TBC1D24: variants seen among roughly 807,000 people sequenced by gnomAD.
TBC1D24 encodes the protein TBC1 domain family member 24.
A neutral mutation model predicts 50.7 loss-of-function variants in TBC1D24; 47 were observed. That is an observed-to-expected ratio of 0.93 (90% CI 0.73 to 1.18). TBC1D24 has a LOEUF of 1.18. Ranked by LOEUF, TBC1D24 falls within the 50% of genes most tolerant of loss-of-function variation. The pLI, the probability that TBC1D24 is intolerant of heterozygous loss-of-function variation, is 0.00. For missense variants in TBC1D24, 688 were observed against 766.5 expected (o/e 0.90, Z 1.21); for synonymous variants, 324 against 335.2 (o/e 0.97, Z 0.36).
rs969497090 is a variant in TBC1D24 at position 2,475,437 on chromosome 16, G to A, written c.-116+267G>A. Among the ~76,000 whole-genome samples the A allele has an allele frequency of 1.3e-5, 2 of 151,982 alleles. No homozygotes were observed. The highest frequency in any genetic ancestry group is 2.4e-5 in the African/African-American group (1 of 41,410). ...CGCGAGGCCCGATCCCCGCCCGGTC[G>A]CTGGCCCGCGGCCCGGCCCAGGGCA... On this transcript the variant is annotated intron_variant, in intron 1 of 7. Coordinates refer to ENST00000646147, the MANE Select transcript of TBC1D24 (RefSeq NM_001199107.2). This position sits in a 1 kb window ranked among gnomAD's most constrained non-coding sequence, Gnocchi z 4.2.
Position 2,501,448 on chromosome 16 carries a change from C to A in TBC1D24, c.*490C>A, listed in dbSNP as rs577663980. The stretch of plus-strand genomic sequence containing the variant: ...TGGCTGGCTGGCGACTGAATCCCAG[C>A]GTAGATCCCGAGAACAGACTGGCAC... On this transcript the variant is annotated 3_prime_UTR_variant, in exon 8 of 8. Transcript: ENST00000646147. 8 of 178,272 alleles carry A rather than the reference C, an allele frequency of 4.5e-5. No individual in the cohort carries two copies. The highest frequency in any genetic ancestry group is 8.5e-5 in the Non-Finnish European group (7 of 82,564). 11.0% of individuals were successfully genotyped at this position (178,272 alleles called of 1,614,324 possible).
Position 2,501,246 on chromosome 16 carries a change from C to T in TBC1D24, c.*288C>T. On this transcript the variant is annotated 3_prime_UTR_variant, in exon 8 of 8. Coordinates refer to ENST00000646147, the MANE Select transcript of TBC1D24 (RefSeq NM_001199107.2). ...GTACCTTCCTCCTCCGTGGAGGCTT[C>T]CATAGCCCAAGGCCTTGGGAGTGTC... 1 of 505,668 alleles carries T rather than the reference C, an allele frequency of 2.0e-6. No individual in the cohort carries two copies. The highest frequency in any genetic ancestry group is 2.1e-5 in the South Asian group (1 of 46,710). The allele number at this position is 505,668 out of a possible 1,614,324, so 31.3% of individuals were successfully genotyped here.
chr16:2,479,413 G>A (rs994899271), intron 1 of TBC1D24: 1 of 152,252 alleles, frequency 6.6e-6, no homozygotes, highest in African/African-American at 2.4e-5. Flanking sequence ...TTCTCAGACC[G>A]AGAGACCCAA....
chr16:2,486,539 G>A lies in TBC1D24; in HGVS notation c.-115-9495G>A, dbSNP rs2065652367. 6.6e-6 allele frequency among the ~76,000 whole-genome samples: 1 copy of A among 152,308 alleles called. No individual in the cohort carries two copies. Among genetic ancestry groups the A allele is most frequent in the East Asian group, 1.9e-4 (1 of 5,184 alleles). On this transcript the variant is annotated intron_variant, in intron 1 of 7. Coordinates refer to ENST00000646147, the MANE Select transcript of TBC1D24 (RefSeq NM_001199107.2). The surrounding 1 kb of genome is among the most constrained non-coding windows in gnomAD (Gnocchi z 5.8). ...GGTGGTCAGGCCAGGGCAGGATGGG[G>A]CCCAGGCCTGCAACCCCAGCTCTTC...
At chr16:2,498,482 C>T (rs981070582) in intron 4 of TBC1D24, 86 bp downstream of exon 4, 18 of 1,327,246 alleles carry the variant, frequency 1.4e-5, no homozygotes, top group African/African-American at 8.9e-5. Context: ...CCTCAAACCT[C>T]GGCACCTGGT....
In TBC1D24 at chr16:2,496,640, C is replaced by G. The variant is rs369172908; in HGVS notation, c.492C>G (p.Pro164=). The change falls in exon 2 of 8, where the codon CCC becomes CCG. Residue 164 remains proline (P), a synonymous_variant. Transcript: ENST00000646147. ...KACRILACND[P]GRRLIDQSFL... is the part of the protein sequence containing the mutation. ...GCCGCATCCTGGCCTGCAATGACCCCGGCAGGAGGCTGATCGACCAGAGCT... is the reference window on the plus strand; with the variant it reads ...GCCGCATCCTGGCCTGCAATGACCCGGGCAGGAGGCTGATCGACCAGAGCT... 54 of 1,612,226 alleles carry G rather than the reference C, an allele frequency of 3.3e-5. No individual in the cohort carries two copies. Among genetic ancestry groups the G allele is most frequent in the Non-Finnish European group, 4.4e-5 (52 of 1,180,032 alleles).
intron 2 of TBC1D24, among the ~76,000 whole-genome samples, 190 bp downstream of exon 2, chr16:2,497,303 G>C (rs988437181): frequency 1.3e-5 from 2 of 152,232 alleles, no homozygotes; most frequent in Non-Finnish European, 2.9e-5. Flanking sequence ...GAGGGACATC[G>C]GGTCCTATCC....
intron 1 of TBC1D24, among the ~76,000 whole-genome samples, chr16:2,488,339 T>C (rs1292816640): frequency 6.6e-6 from 1 of 152,060 alleles, no homozygotes; most frequent in Non-Finnish European, 1.5e-5. Context: ...TCTGCAAGCC[T>C]GTAGCCATTT....
Position 2,505,180 on chromosome 16 carries a change from T to C in TBC1D24, c.*4222T>C, listed in dbSNP as rs2065825544. 1 of 152,242 alleles carries C rather than the reference T, an allele frequency of 6.6e-6. No homozygotes were observed. The highest frequency in any genetic ancestry group is 1.5e-5 in the Non-Finnish European group (1 of 68,040). 9.4% of individuals were successfully genotyped at this position (152,242 alleles called of 1,614,324 possible). ...TGTTAGGTAGAAAAGTATGTGGATT[T>C]TTAAAAATCATCTGGTATAAAGAGT... On this transcript the variant is annotated 3_prime_UTR_variant, in exon 8 of 8. Coordinates refer to ENST00000646147, the MANE Select transcript of TBC1D24 (RefSeq NM_001199107.2).
In TBC1D24 at chr16:2,502,913, G is replaced by C. The variant is rs904206892; in HGVS notation, c.*1955G>C. On this transcript the variant is annotated 3_prime_UTR_variant, in exon 8 of 8. Coordinates refer to ENST00000646147, the MANE Select transcript of TBC1D24 (RefSeq NM_001199107.2). ...TCTTCAGCCAGAGGGGCCTCCGGGG[G>C]CTTCCTGGGCCTACAGCCAAGCAGG... is the stretch of plus-strand genomic sequence containing the variant. 3 of 152,620 alleles carry C rather than the reference G, an allele frequency of 2.0e-5. No homozygotes were observed. The highest frequency in any genetic ancestry group is 4.8e-5 in the African/African-American group (2 of 41,468). 9.5% of individuals were successfully genotyped at this position (152,620 alleles called of 1,614,324 possible).
chr16:2,490,201 C>G (rs2065684529), intron 1 of TBC1D24, among the ~76,000 whole-genome samples: 1 of 152,214 alleles, frequency 6.6e-6, no homozygotes, highest in South Asian at 2.1e-4. Context: ...TCTTGTGAGT[C>G]TCGTGGGTGT....
intron 4 of TBC1D24, among the ~76,000 whole-genome samples, chr16:2,498,890 C>T (rs1421143923): frequency 6.6e-6 from 1 of 152,220 alleles, no homozygotes; most frequent in African/African-American, 2.4e-5. Flanking sequence ...CTGGTCCAGC[C>T]CCCACCCAGC....
chr16:2,489,381 G>C (rs1469759677), intron 1 of TBC1D24, among the ~76,000 whole-genome samples: 1 of 152,132 alleles, frequency 6.6e-6, no homozygotes, highest in Non-Finnish European at 1.5e-5. Context: ...GCAGGGAGCC[G>C]AGATCGCGCC....
chr16:2,481,730 T>G (rs932383550), intron 1 of TBC1D24: 2 of 152,414 alleles, frequency 1.3e-5, no homozygotes, highest in Admixed American at 1.3e-4. Context: ...GAAAGATGTC[T>G]GGCTATGAAA....
chr16:2,488,904 C>T (rs1041726134), intron 1 of TBC1D24, among the ~76,000 whole-genome samples: 1 of 97,690 alleles, frequency 1.0e-5, no homozygotes. Flanking sequence ...ACTAAAAATA[C>T]AAAAAAAAAA....
intron 1 of TBC1D24, among the ~76,000 whole-genome samples, chr16:2,490,699 G>C (rs535686044): frequency 6.6e-6 from 1 of 152,334 alleles, no homozygotes; most frequent in East Asian, 1.9e-4. Context: ...CTGCAGACAT[G>C]GCAACCGCAG....
chr16:2,489,717 C>T (rs529583750), intron 1 of TBC1D24, among the ~76,000 whole-genome samples: 1 of 152,284 alleles, frequency 6.6e-6, no homozygotes, highest in South Asian at 2.1e-4. Context: ...GCGTGTTGAC[C>T]CGCTGGGACC....
chr16:2,496,367 G>T lies in TBC1D24; in HGVS notation c.219G>T (p.Val73=). Residue 73 remains valine, a synonymous_variant, in exon 2 of 8, where the codon GTG becomes GTT. Transcript: ENST00000646147. ...PCRTVTPDAS[V]YSDIVGKIVG... is the part of the protein sequence containing the mutation. ...GCACGGTCACGCCTGACGCCAGCGT[G>T]TACAGCGACATCGTGGGCAAGATCG... is the stretch of plus-strand genomic sequence containing the variant. 1 of 1,613,444 alleles carries T rather than the reference G, an allele frequency of 6.2e-7. No homozygotes were observed. Among genetic ancestry groups the T allele is most frequent in the African/African-American group, 1.3e-5 (1 of 75,064 alleles).
In TBC1D24 at chr16:2,503,970, A is replaced by G. The variant is rs1409117198; in HGVS notation, c.*3012A>G. 6.6e-6 allele frequency: 1 copy of G among 152,264 alleles called. No individual in the cohort carries two copies. Among genetic ancestry groups the G allele is most frequent in the East Asian group, 1.9e-4 (1 of 5,208 alleles). 9.4% of individuals were successfully genotyped at this position (152,264 alleles called of 1,614,324 possible). Reference sequence around the variant, plus strand: ...AAATAGTTTATTAAATGAATTCATTAAAGCAGATTATATGCCTTTGGGGCT... The same window carrying G: ...AAATAGTTTATTAAATGAATTCATTGAAGCAGATTATATGCCTTTGGGGCT... On this transcript the variant is annotated 3_prime_UTR_variant, in exon 8 of 8. Coordinates refer to ENST00000646147, the MANE Select transcript of TBC1D24 (RefSeq NM_001199107.2).
Sources: gnomAD v4.1 joint callset for allele counts (sites outside exome capture counted in the v4.1 genomes callset) on GRCh38, gnomAD v4.1.1 for gene constraint, Gnocchi (gnomAD v3.1) non-coding constraint, MANE v1.5 for transcripts, NCBI Gene and HGNC (gene_info 2026-07-23, HGNC 2026-07-21) for gene names.